Variants in FAM234B observed in about 807,000 individuals in gnomAD.
The protein encoded by FAM234B is family with sequence similarity 234 member B, also known as protein FAM234B.
Under a neutral mutation model 69.3 loss-of-function variants are expected in FAM234B, and 33 were observed. The ratio of observed to expected loss-of-function variants is 0.48; its 90% confidence interval spans 0.36 to 0.64. The LOEUF (loss-of-function observed/expected upper bound fraction) is 0.64, where lower values mean the gene tolerates loss of function less well. Among genes scored for constraint, FAM234B ranks in the 30% least tolerant of loss-of-function variants. The pLI is 0.00. For synonymous variants in FAM234B, 306 were observed against 306.9 expected (o/e 1.00, Z 0.03); for missense variants, 697 against 769.7 (o/e 0.91, Z 1.12).
At chr12:13,080,531 AAT>A in intron 12 of FAM234B, 92 bp from the exon 13 acceptor site, 1 of 1,037,030 alleles carries the variant, frequency 9.6e-7, no homozygotes, top group Admixed American at 1.8e-5. Flanking sequence ...AGGACGGGAA[AAT>A]AGAGAAATAT....
At chr12:13,056,304 G>A (rs2120458672) in intron 2 of FAM234B, among the ~76,000 whole-genome samples, 1 of 152,302 alleles carries the variant, frequency 6.6e-6, no homozygotes, top group Non-Finnish European at 1.5e-5. Context: ...TTGCACCAGG[G>A]ATAGAGCTCT....
At chr12:13,051,862 T>G (rs1864880323) in intron 1 of FAM234B, among the ~76,000 whole-genome samples, 1 of 152,220 alleles carries the variant, frequency 6.6e-6, no homozygotes, top group Non-Finnish European at 1.5e-5. Flanking sequence ...AGCTAAAATT[T>G]ATTGTGTGGC....
chr12:13,080,118 G>A, intron 12 of FAM234B, 109 bp downstream of exon 12: 3 of 757,856 alleles, frequency 4.0e-6, no homozygotes, highest in Non-Finnish European at 6.4e-6. Context: ...TTGAGTAGAT[G>A]TGTATCAAGA....
At chr12:13,054,015 A>G (rs977139915) in intron 1 of FAM234B, among the ~76,000 whole-genome samples, 1 of 152,220 alleles carries the variant, frequency 6.6e-6, no homozygotes, top group Non-Finnish European at 1.5e-5. Context: ...CCCCGCAGGC[A>G]GTCAGACCTT....
At position 13,066,629 on chromosome 12, in the gene FAM234B, T is replaced by C. The variant is rs1263355715; in HGVS notation, c.853-11T>C. The C allele has an allele frequency of 4.4e-6, 7 of 1,607,604 alleles. No homozygotes were observed. The South Asian group carries it at 7.8e-5, about 18-fold the overall frequency. On this transcript the variant is annotated splice_polypyrimidine_tract_variant and intron_variant, in intron 5 of 12. Coordinates refer to ENST00000197268, the MANE Select transcript of FAM234B (RefSeq NM_020853.2). ...TTCTATTGACTCCACCCCCCTCTCT[T>C]ACTTCCTCAGCCAGATCTGTGCTTT...
intron 10 of FAM234B, among the ~76,000 whole-genome samples, chr12:13,073,380 G>A (rs1865128767): frequency 6.6e-6 from 1 of 152,140 alleles, no homozygotes; most frequent in African/African-American, 2.4e-5. Flanking sequence ...TCAGGCCTTG[G>A]AACTTTTGTT....
At chr12:13,047,039 T>C (rs1460456218) in intron 1 of FAM234B, among the ~76,000 whole-genome samples, 1 of 152,210 alleles carries the variant, frequency 6.6e-6, no homozygotes, top group Non-Finnish European at 1.5e-5. Context: ...AGTCAGTAAG[T>C]GTTAGCTGTT....
chr12:13,076,001 C>T, intron 10 of FAM234B, 25 bp from the exon 11 acceptor site: 2 of 1,549,070 alleles, frequency 1.3e-6, no homozygotes, highest in Non-Finnish European at 1.8e-6. Context: ...TACCTTTGCT[C>T]TTCCTTTTTG....
At chr12:13,076,885 G>A (rs1224210697) in intron 11 of FAM234B, among the ~76,000 whole-genome samples, 1 of 152,234 alleles carries the variant, frequency 6.6e-6, no homozygotes, top group Non-Finnish European at 1.5e-5. Context: ...TGCTGTTCCT[G>A]TTGGGAGGTC....
intron 1 of FAM234B, among the ~76,000 whole-genome samples, chr12:13,050,366 C>G (rs1428017572): frequency 6.6e-6 from 1 of 152,006 alleles, no homozygotes; most frequent in East Asian, 1.9e-4. Context: ...CTGACTGGGC[C>G]CAGTCAGAGT....
intron 5 of FAM234B, among the ~76,000 whole-genome samples, chr12:13,065,681 C>G (rs183025364): frequency 6.6e-6 from 1 of 152,272 alleles, no homozygotes; most frequent in Non-Finnish European, 1.5e-5. Flanking sequence ...CTATCCCTCT[C>G]AGCTTTGTGA....
intron 12 of FAM234B, 53 bp downstream of exon 12, chr12:13,080,062 C>T (rs993687454): frequency 2.3e-6 from 3 of 1,306,238 alleles, no homozygotes; most frequent in Non-Finnish European, 3.1e-6. Flanking sequence ...CAAATACTAC[C>T]AATTCCAGCT....
At position 13,061,572 on chromosome 12, in the gene FAM234B, T is replaced by C. The variant is rs768710361; in HGVS notation, c.533-3T>C. ...TTTTTTTATCTCTCTTGTGTGCTTT[T>C]AGGTGTCTCAAGACCAGCTGCTAAT... On this transcript the variant is annotated splice_region_variant and splice_polypyrimidine_tract_variant and intron_variant, in intron 3 of 12. Transcript: ENST00000197268. The C allele has an allele frequency of 6.2e-7, 1 of 1,609,436 alleles. No homozygotes were observed. The highest frequency in any genetic ancestry group is 8.5e-7 in the Non-Finnish European group (1 of 1,176,944).
At chr12:13,080,491 A>G in intron 12 of FAM234B, 134 bp from the exon 13 acceptor site, 1 of 672,726 alleles carries the variant, frequency 1.5e-6, no homozygotes, top group Non-Finnish European at 2.6e-6. Context: ...GGAAGGAGGA[A>G]ATGTTTACAG....
intron 3 of FAM234B, among the ~76,000 whole-genome samples, chr12:13,059,487 G>A (rs1013635779): frequency 4.6e-5 from 7 of 152,256 alleles, no homozygotes; most frequent in Admixed American, 1.3e-4. Context: ...GAAAAAATGC[G>A]TTCTGATTTC....
intron 10 of FAM234B, among the ~76,000 whole-genome samples, chr12:13,073,940 T>C (rs574826796): frequency 2.8e-4 from 42 of 152,354 alleles, no homozygotes; most frequent in African/African-American, 9.6e-4. Context: ...TGCTGATCTC[T>C]CTGGGGCATT....
rs751681531 is a variant in FAM234B, at chr12:13,068,718, C to T, written c.1368+7C>T. On this transcript the variant is annotated splice_region_variant and intron_variant, in intron 9 of 12. Coordinates refer to ENST00000197268, the MANE Select transcript of FAM234B (RefSeq NM_020853.2). Reference sequence around the variant, plus strand: ...TGGAGTTGGGATGAAAAAGGTAAAACTTTGGGCCTCAGATCAATCAAAGCA... The same window carrying T: ...TGGAGTTGGGATGAAAAAGGTAAAATTTTGGGCCTCAGATCAATCAAAGCA... 2 of 1,582,480 alleles carry T rather than the reference C, an allele frequency of 1.3e-6. No homozygotes were observed. Among genetic ancestry groups the T allele is most frequent in the South Asian group, 1.1e-5 (1 of 90,226 alleles).
chr12:13,057,941 C>T (rs1864948042), intron 2 of FAM234B, among the ~76,000 whole-genome samples: 1 of 152,234 alleles, frequency 6.6e-6, no homozygotes, highest in Admixed American at 6.5e-5. Context: ...GGGAGCCAGG[C>T]TCCACATTCA....
At chr12:13,061,273 T>G (rs1864979322) in intron 3 of FAM234B, among the ~76,000 whole-genome samples, 1 of 152,182 alleles carries the variant, frequency 6.6e-6, no homozygotes, top group East Asian at 1.9e-4. Flanking sequence ...GATATCACCA[T>G]TTAGTTGGGG....
Sources: gnomAD v4.1 joint callset for allele counts (sites outside exome capture counted in the v4.1 genomes callset) on GRCh38, gnomAD v4.1.1 for gene constraint, MANE v1.5 for transcripts, NCBI Gene and HGNC (gene_info 2026-07-23, HGNC 2026-07-21) for gene names.